Variants in PPP1R1C observed in about 807,000 individuals in gnomAD.
PPP1R1C encodes protein phosphatase 1 regulatory subunit 1C.
In PPP1R1C, 15 loss-of-function variants were observed where a neutral mutation model predicts 17.4. The ratio of observed to expected loss-of-function variants is 0.86; its 90% CI spans 0.58 to 1.33. The LOEUF is 1.33. PPP1R1C is among the 40% of genes most tolerant of loss of function. The pLI is 0.00. For missense variants in PPP1R1C, 143 were observed against 130.0 expected, an observed-to-expected ratio of 1.10 and a Z score of -0.48; for synonymous variants, 35 against 43.1, an observed-to-expected ratio of 0.81 and a Z score of 0.73.
chr2:181,956,213 G>A (rs1166249909), intron 1 of PPP1R1C, among the ~76,000 whole-genome samples: 1 of 152,146 alleles, frequency 6.6e-6, no homozygotes, highest in Non-Finnish European at 1.5e-5. Flanking sequence ...CCATGTCCTT[G>A]CAAAGGACAT....
intron 4 of PPP1R1C, among the ~76,000 whole-genome samples, chr2:182,085,264 C>G (rs1688596026): frequency 6.6e-6 from 1 of 152,040 alleles, no homozygotes; most frequent in Non-Finnish European, 1.5e-5. Flanking sequence ...TTTCCCTTAT[C>G]TAATTGCTCT....
chr2:182,059,213 T>G (rs1687776122), intron 2 of PPP1R1C, among the ~76,000 whole-genome samples: 1 of 152,136 alleles, frequency 6.6e-6, no homozygotes, highest in Non-Finnish European at 1.5e-5. Context: ...ATTTCTTCTT[T>G]CAGACTAAGT....
chr2:182,116,820 G>T (rs1166958205), intron 4 of PPP1R1C, among the ~76,000 whole-genome samples: 1 of 152,128 alleles, frequency 6.6e-6, no homozygotes, highest in Non-Finnish European at 1.5e-5. Context: ...ACACCCTTTT[G>T]TTCCTAGGGG....
chr2:182,009,773 T>C (rs1320444786), intron 2 of PPP1R1C, among the ~76,000 whole-genome samples: 1 of 152,198 alleles, frequency 6.6e-6, no homozygotes, highest in African/African-American at 2.4e-5. Flanking sequence ...ATTTAAGTCT[T>C]TAATCTATTT....
intron 4 of PPP1R1C, among the ~76,000 whole-genome samples, chr2:182,102,486 A>G (rs1034059824): frequency 3.3e-5 from 5 of 152,214 alleles, no homozygotes; most frequent in Non-Finnish European, 7.3e-5. Context: ...AGTTTCTATC[A>G]TTTGAGGAAG....
intron 2 of PPP1R1C, among the ~76,000 whole-genome samples, chr2:182,053,811 G>A (rs1687599850): frequency 6.6e-6 from 1 of 150,884 alleles, no homozygotes; most frequent in African/African-American, 2.4e-5. Context: ...ACAGAATTTT[G>A]CTCCTGTTGC....
Position 181,961,447 on chromosome 2 carries a change from A to G in PPP1R1C, n.111+6813A>G. The G allele has an allele frequency of 4.7e-6, 4 of 851,350 alleles. No individual in the cohort carries two copies. Among genetic ancestry groups the G allele is most frequent in the Non-Finnish European group, 5.8e-6 (3 of 518,852 alleles). The allele number at this position is 851,350 out of a possible 1,614,324, so 52.7% of individuals were successfully genotyped here. A position where few individuals can be genotyped will look rare whatever the true frequency, so the allele number is the denominator to read the frequency against. ...CCGGCTCTGTGCCATCTCTGACTCCAGGTGCAGCAGGATCCTGTTGAGCTG... is the reference window on the plus strand; with the variant it reads ...CCGGCTCTGTGCCATCTCTGACTCCGGGTGCAGCAGGATCCTGTTGAGCTG... On this transcript the variant is annotated intron_variant and non_coding_transcript_variant, in intron 1 of 5. Coordinates refer to the PPP1R1C transcript ENST00000464264. The surrounding 1 kb of genome is among the most constrained non-coding windows in gnomAD (Gnocchi z 5.8).
chr2:182,097,715 T>G (rs776294063), intron 4 of PPP1R1C, among the ~76,000 whole-genome samples: 8 of 152,210 alleles, frequency 5.3e-5, no homozygotes, highest in Non-Finnish European at 8.8e-5. Flanking sequence ...CTTTATGTGT[T>G]AAGTAGCTAT....
intron 4 of PPP1R1C, among the ~76,000 whole-genome samples, chr2:182,099,167 G>C (rs1689028476): frequency 6.6e-6 from 1 of 152,176 alleles, no homozygotes; most frequent in Non-Finnish European, 1.5e-5. Context: ...CTTGTCAAGA[G>C]ATCATGGGCA....
chr2:182,054,553 G>A (rs1389172431), intron 2 of PPP1R1C, among the ~76,000 whole-genome samples: 2 of 151,336 alleles, frequency 1.3e-5, no homozygotes, highest in Admixed American at 1.3e-4. Flanking sequence ...CACAGTATGT[G>A]ACCTTTTGAA....
intron 4 of PPP1R1C, among the ~76,000 whole-genome samples, chr2:182,079,897 T>C (rs1256955658): frequency 2.0e-5 from 3 of 152,210 alleles, no homozygotes; most frequent in Non-Finnish European, 4.4e-5. Context: ...CTCTGTGTGT[T>C]GTTTCCTCTT....
At chr2:182,067,302 C>T (rs1410726969) in intron 4 of PPP1R1C, among the ~76,000 whole-genome samples, 7 of 151,728 alleles carry the variant, frequency 4.6e-5, no homozygotes, top group Non-Finnish European at 8.8e-5. Context: ...CATTTTAACA[C>T]TGAAGCTTTT....
upstream of PPP1R1C, among the ~76,000 whole-genome samples, chr2:181,981,237 T>A (rs1264631112): frequency 6.6e-6 from 1 of 152,164 alleles, no homozygotes; most frequent in Non-Finnish European, 1.5e-5. Flanking sequence ...CAAGGAGAAG[T>A]TTTAAAGAAC....
At chr2:182,081,367 G>A (rs1190356494) in intron 4 of PPP1R1C, among the ~76,000 whole-genome samples, 2 of 152,060 alleles carry the variant, frequency 1.3e-5, no homozygotes, top group Non-Finnish European at 2.9e-5. Context: ...ATACAAATGA[G>A]TGCCTTAACC....
In PPP1R1C at chr2:181,957,166, C is replaced by G. The variant is rs1298317878; in HGVS notation, n.111+2532C>G. 2.6e-5 allele frequency among the ~76,000 whole-genome samples: 4 copies of G among 152,090 alleles called. No homozygotes were observed. The highest frequency in any genetic ancestry group is 9.7e-5 in the African/African-American group (4 of 41,394). On this transcript the variant is annotated intron_variant and non_coding_transcript_variant, in intron 1 of 5. Transcript: ENST00000464264. This position sits in a 1 kb window ranked among gnomAD's most constrained non-coding sequence, Gnocchi z 4.2. ...TCTGAGGTCAGGAGTTCGAGAACAG[C>G]CTGGCCAAAATGATGAAGCTCTGTC...
intron 5 of PPP1R1C, among the ~76,000 whole-genome samples, chr2:182,128,562 A>G (rs1689931335): frequency 6.6e-6 from 1 of 152,144 alleles, no homozygotes; most frequent in African/African-American, 2.4e-5. Flanking sequence ...GAGAAATGAT[A>G]TCTGTGTGCT....
chr2:181,960,703 C>G (rs1050644042), intron 1 of PPP1R1C, among the ~76,000 whole-genome samples: 1 of 152,210 alleles, frequency 6.6e-6, no homozygotes, highest in African/African-American at 2.4e-5. Context: ...TATGCAGTCT[C>G]TCCACTTACA....
intron 4 of PPP1R1C, among the ~76,000 whole-genome samples, chr2:182,110,734 G>A (rs1345229486): frequency 3.3e-5 from 5 of 152,072 alleles, no homozygotes; most frequent in East Asian, 1.9e-4. Flanking sequence ...CCTGCTGATC[G>A]ATGCATTCTT....
intron 2 of PPP1R1C, among the ~76,000 whole-genome samples, chr2:182,035,475 G>T (rs1434374140): frequency 6.6e-6 from 1 of 152,092 alleles, no homozygotes; most frequent in African/African-American, 2.4e-5. Context: ...GATATAGTTT[G>T]TCTCTGTGTC....
Sources: gnomAD v4.1 joint callset for allele counts (sites outside exome capture counted in the v4.1 genomes callset) on GRCh38, gnomAD v4.1.1 for gene constraint, Gnocchi (gnomAD v3.1) non-coding constraint, MANE v1.5 for transcripts, NCBI Gene and HGNC (gene_info 2026-07-23, HGNC 2026-07-21) for gene names.